The following HECTD2 variants were observed in gnomAD, a reference collection of about 807,000 sequenced individuals.
The protein encoded by HECTD2 is HECT domain E3 ubiquitin protein ligase 2.
A neutral mutation model predicts 103.2 loss-of-function variants in HECTD2; 35 were observed. That is an observed-to-expected ratio of 0.34 (90% CI 0.26 to 0.45). The LOEUF (loss-of-function observed/expected upper bound fraction) is 0.45, where lower values mean the gene tolerates loss of function less well. Among genes scored for constraint, HECTD2 ranks in the 20% least tolerant of loss-of-function variants. The probability of loss-of-function intolerance (pLI) is 1.00; values close to 1 mark genes in which losing one functional copy is unlikely to be tolerated. For synonymous variants in HECTD2, 281 were observed against 329.9 expected, an observed-to-expected ratio of 0.85 and a Z score of 1.61; for missense variants, 596 against 937.4, an observed-to-expected ratio of 0.64 and a Z score of 4.76.
At chr10:91,426,570 A>ACACACACACACACAAG (rs1281819523) in intron 2 of HECTD2, among the ~76,000 whole-genome samples, 1 of 150,864 alleles carries the variant, frequency 6.6e-6, no homozygotes, top group Non-Finnish European at 1.5e-5. Flanking sequence ...ACAAACATAC[A>ACACACACACACACAAG]CACACACACA....
At chr10:91,412,635 A>T (rs1842967541) in intron 1 of HECTD2, among the ~76,000 whole-genome samples, 1 of 150,004 alleles carries the variant, frequency 6.7e-6, no homozygotes, top group South Asian at 2.1e-4. Flanking sequence ...TTTTTTAAAA[A>T]AAAAAACAAT....
At chr10:91,419,229 G>A (rs1843252849) in intron 1 of HECTD2, among the ~76,000 whole-genome samples, 1 of 152,126 alleles carries the variant, frequency 6.6e-6, no homozygotes, top group South Asian at 2.1e-4. Context: ...CAATTCAGAA[G>A]CGATGATGGA....
chr10:91,441,784 C>G (rs1351790758), intron 2 of HECTD2, among the ~76,000 whole-genome samples: 5 of 99,746 alleles, frequency 5.0e-5, no homozygotes, highest in Non-Finnish European at 7.5e-5. Flanking sequence ...GTTAATTCTT[C>G]TTGTTGCATT....
intron 11 of HECTD2, chr10:91,489,170 TTAAAG>T (rs1391168427): frequency 9.8e-5 from 15 of 152,300 alleles, no homozygotes; most frequent in African/African-American, 3.6e-4. Context: ...TTCTTCTACT[TTAAAG>T]AAGGAGAATG....
At chr10:91,409,518 G>T, upstream of HECTD2, 1 of 153,102 alleles carries the variant, frequency 6.5e-6, no homozygotes, top group Non-Finnish European at 1.5e-5. Flanking sequence ...AGGCGCGTGG[G>T]GACGGGAAGG....
At chr10:91,413,252 A>G (rs1842994376) in intron 1 of HECTD2, among the ~76,000 whole-genome samples, 1 of 152,222 alleles carries the variant, frequency 6.6e-6, no homozygotes, top group South Asian at 2.1e-4. Flanking sequence ...GTTTACAGAA[A>G]GGTACAGGGG....
At chr10:91,479,717 A>G (rs1846026105) in intron 6 of HECTD2, among the ~76,000 whole-genome samples, 1 of 152,162 alleles carries the variant, frequency 6.6e-6, no homozygotes, top group Non-Finnish European at 1.5e-5. Context: ...CAGAGTATAA[A>G]CATTTTAAGA....
chr10:91,433,035 G>T (rs913412855), intron 2 of HECTD2, among the ~76,000 whole-genome samples: 54 of 152,068 alleles, frequency 3.6e-4, no homozygotes, highest in African/African-American at 8.9e-4. Flanking sequence ...GAAAGCAAAG[G>T]ACTTGCCACG....
At chr10:91,453,266 C>T (rs1844917058) in intron 2 of HECTD2, among the ~76,000 whole-genome samples, 1 of 151,966 alleles carries the variant, frequency 6.6e-6, no homozygotes, top group Non-Finnish European at 1.5e-5. Context: ...ACTTTGTCTC[C>T]ATAAAAAATT....
intron 5 of HECTD2, 166 bp downstream of exon 5, chr10:91,462,350 T>C: frequency 9.1e-7 from 1 of 1,103,538 alleles, no homozygotes; most frequent in Non-Finnish European, 1.2e-6. Flanking sequence ...TTTTATTCTT[T>C]TATTTTTTAA....
chr10:91,473,016 C>G (rs1017257114), intron 5 of HECTD2, among the ~76,000 whole-genome samples: 6 of 152,128 alleles, frequency 3.9e-5, no homozygotes, highest in African/African-American at 1.4e-4. Flanking sequence ...GACTAAACTT[C>G]ATTGTATTTG....
chr10:91,490,747 C>T (rs551700910), intron 11 of HECTD2, among the ~76,000 whole-genome samples: 3 of 150,814 alleles, frequency 2.0e-5, no homozygotes, highest in South Asian at 4.2e-4. Flanking sequence ...AAAAATTAGC[C>T]GGGCGTGGTG....
chr10:91,500,389 T>TTTTTTTA, intron 18 of HECTD2, 113 bp from the exon 19 acceptor site: 1 of 505,300 alleles, frequency 2.0e-6, no homozygotes. Context: ...AAAAATGGTT[T>TTTTTTTA]GATTTACTAT....
chr10:91,487,797 C>T lies in HECTD2; in HGVS notation c.1191+19C>T, dbSNP rs898372411. The T allele has an allele frequency of 2.3e-6, 3 of 1,297,830 alleles. No individual in the cohort carries two copies. The allele number at this position is 1,297,830 out of a possible 1,614,324, so 80.4% of individuals were successfully genotyped here. A position where few individuals can be genotyped will look rare whatever the true frequency, so the allele number is the denominator to read the frequency against. On this transcript the variant is annotated intron_variant, in intron 11 of 20. Coordinates refer to ENST00000298068, the MANE Select transcript of HECTD2 (RefSeq NM_182765.6). This position sits in a 1 kb window ranked among gnomAD's most constrained non-coding sequence, Gnocchi z 4.1. Reference sequence around the variant, plus strand: ...CGCAAGGGTAAGTCAGCTATAAAAACATATTTATGCTGACTATAATCAGTA... The same window carrying T: ...CGCAAGGGTAAGTCAGCTATAAAAATATATTTATGCTGACTATAATCAGTA...
intron 2 of HECTD2, 35 bp downstream of exon 2, chr10:91,425,445 A>T (rs201993815): frequency 1.5e-6 from 2 of 1,370,992 alleles, no homozygotes; most frequent in East Asian, 5.3e-5. Flanking sequence ...GGCTAAAAGT[A>T]TATTTTTAAA....
At chr10:91,481,489 C>T (rs1402559179) in intron 7 of HECTD2, among the ~76,000 whole-genome samples, 1 of 151,356 alleles carries the variant, frequency 6.6e-6, no homozygotes, top group Non-Finnish European at 1.5e-5. Context: ...TTTCTTGTAA[C>T]TAGTTTTAAC....
intron 18 of HECTD2, 124 bp from the exon 19 acceptor site, chr10:91,500,378 C>CA: frequency 2.0e-5 from 6 of 307,192 alleles, no homozygotes; most frequent in Non-Finnish European, 3.2e-5. Flanking sequence ...TTTTCTTCAA[C>CA]AAAAATGGTT....
Position 91,491,312 on chromosome 10 carries a change from A to G in HECTD2, c.1299+5A>G. The G allele has an allele frequency of 8.0e-7, 1 of 1,250,480 alleles. No homozygotes were observed. Among genetic ancestry groups the G allele is most frequent in the Non-Finnish European group, 1.1e-6 (1 of 880,008 alleles). 77.5% of individuals were successfully genotyped at this position (1,250,480 alleles called of 1,614,324 possible). A position where few individuals can be genotyped will look rare whatever the true frequency, so the allele number is the denominator to read the frequency against. ...GTTAGCGATTCACTTGATGAGGTAT[A>G]ATTTATTCCAAAATGATATTAATTA... On this transcript the variant is annotated splice_donor_5th_base_variant and intron_variant, in intron 12 of 20. Transcript: ENST00000298068.
intron 20 of HECTD2, among the ~76,000 whole-genome samples, chr10:91,510,460 C>T (rs1327932967): frequency 6.6e-6 from 1 of 152,122 alleles, no homozygotes; most frequent in Non-Finnish European, 1.5e-5. Context: ...ATTTTTTCTT[C>T]AATAAACATT....
Sources: gnomAD v4.1 joint callset for allele counts (sites outside exome capture counted in the v4.1 genomes callset) on GRCh38, gnomAD v4.1.1 for gene constraint, Gnocchi (gnomAD v3.1) non-coding constraint, MANE v1.5 for transcripts, NCBI Gene and HGNC (gene_info 2026-07-23, HGNC 2026-07-21) for gene names.